The following C1QTNF5 variants were observed in gnomAD, a reference collection of about 807,000 sequenced individuals.
The protein encoded by C1QTNF5 is C1q and TNF related 5, also known as complement C1q tumor necrosis factor-related protein 5.
Under a neutral mutation model 10.9 loss-of-function variants are expected in C1QTNF5, and 5 were observed. The ratio of observed to expected loss-of-function variants is 0.46; its 90% CI spans 0.24 to 0.97. The LOEUF (loss-of-function observed/expected upper bound fraction) is 0.97. Among genes scored for constraint, C1QTNF5 ranks in the 50% least tolerant of loss-of-function variants. The pLI is 0.19. For missense variants in C1QTNF5, 281 were observed against 339.4 expected, an observed-to-expected ratio of 0.83 and a Z score of 1.35; for synonymous variants, 161 against 156.5, an observed-to-expected ratio of 1.03 and a Z score of -0.22.
At chr11:119,342,014 G>A, upstream of C1QTNF5, 1 of 1,612,364 alleles carries the variant, frequency 6.2e-7, no homozygotes, top group South Asian at 1.1e-5. Context: ...GGCCACTGTG[G>A]GGACTGCTCA....
At chr11:119,342,488 GC>G, upstream of C1QTNF5, 2 of 1,443,698 alleles carry the variant, frequency 1.4e-6, no homozygotes, top group Non-Finnish European at 1.9e-6. Flanking sequence ...AGGCCAGCTG[GC>G]CCCGCCCCCT....
At chr11:119,343,047 C>T, upstream of C1QTNF5, 2 of 1,563,922 alleles carry the variant, frequency 1.3e-6, no homozygotes, top group South Asian at 1.2e-5. Context: ...CCCTGGCTGA[C>T]TGAGGGGGCA....
At position 119,339,636 on chromosome 11, in the gene C1QTNF5, A is replaced by G. The variant is rs2135364169; in HGVS notation, c.427T>C (p.Phe143Leu). 1 of 1,612,902 alleles carries G rather than the reference A, an allele frequency of 6.2e-7. No individual in the cohort carries two copies. Among genetic ancestry groups the G allele is most frequent in the East Asian group, 2.2e-5 (1 of 44,876 alleles). ...TAGACCCCAGGCACCTGGCAGGTGAACTTGCCGGTGACGGCGTCGTAATGT... is the reference window on the plus strand; with the variant it reads ...TAGACCCCAGGCACCTGGCAGGTGAGCTTGCCGGTGACGGCGTCGTAATGT... Reference protein sequence around the residue: ...QGHYDAVTGKFTCQVPGVYYF... With the variant: ...QGHYDAVTGKLTCQVPGVYYF... Residue 143 changes from phenylalanine to leucine, a missense_variant, in exon 3 of 3, where the codon TTC becomes CTC. Phe to Leu is a conservative substitution (Grantham distance 22). Transcript: ENST00000528368. This position sits in a 1 kb window ranked among gnomAD's most constrained non-coding sequence, Gnocchi z 5.4.
At position 119,339,991 on chromosome 11, in the gene C1QTNF5, C is replaced by T; in HGVS notation, c.215-143G>A. On this transcript the variant is annotated intron_variant, in intron 2 of 2. Coordinates refer to ENST00000528368, the MANE Select transcript of C1QTNF5 (RefSeq NM_001278431.2). The surrounding 1 kb of genome is among the most constrained non-coding windows in gnomAD (Gnocchi z 5.4). ...CTCCCGCACGGGTACCTCCTCCACC[C>T]CTTCCCGCAGGGCAGATCTGGGGGG... 1 of 1,306,348 alleles carries T rather than the reference C, an allele frequency of 7.7e-7. No individual in the cohort carries two copies. The highest frequency in any genetic ancestry group is 1.0e-6 in the Non-Finnish European group (1 of 995,630). The allele number at this position is 1,306,348 out of a possible 1,614,324, so 80.9% of individuals were successfully genotyped here. A position where few individuals can be genotyped will look rare whatever the true frequency, so the allele number is the denominator to read the frequency against.
At chr11:119,346,625 G>A in the C1QTNF5 span, 4 of 1,102,196 alleles carry the variant, frequency 3.6e-6, no homozygotes, top group Non-Finnish European at 5.5e-6. Flanking sequence ...ACTACCCGAG[G>A]GAAAAGGCTG....
Position 119,340,399 on chromosome 11 carries a change from G to A in C1QTNF5, c.-2C>T, listed in dbSNP as rs751853220. 20 of 1,544,612 alleles carry A rather than the reference G, an allele frequency of 1.3e-5. No individual in the cohort carries two copies. The highest frequency in any genetic ancestry group is 8.7e-7 in the Non-Finnish European group (1 of 1,146,176). Reference sequence around the variant, plus strand: ...CAGCAGGACGAGGAGTGGCCTCATAGCGCTGGCACCGGGAGCCCGGACGCC... The same window carrying A: ...CAGCAGGACGAGGAGTGGCCTCATAACGCTGGCACCGGGAGCCCGGACGCC... On this transcript the variant is annotated 5_prime_UTR_variant, in exon 2 of 3. Transcript: ENST00000528368.
upstream of C1QTNF5, chr11:119,344,413 C>T: frequency 6.2e-7 from 1 of 1,609,474 alleles, no homozygotes; most frequent in Non-Finnish European, 8.5e-7. Context: ...TGGAAGGGCT[C>T]ATGAGTTTGC....
chr11:119,346,276 C>T, the C1QTNF5 span: 2 of 1,612,398 alleles, frequency 1.2e-6, no homozygotes, highest in Non-Finnish European at 1.7e-6. Flanking sequence ...GGTTACCATG[C>T]CAGGGAGCTG....
upstream of C1QTNF5, chr11:119,344,380 TCCC>T: frequency 6.2e-7 from 1 of 1,613,640 alleles, no homozygotes; most frequent in Non-Finnish European, 8.5e-7. Flanking sequence ...CCAGTCAGAT[TCCC>T]CCCACACCCT....
chr11:119,341,095 C>G (rs962010866), upstream of C1QTNF5: 1 of 208,594 alleles, frequency 4.8e-6, no homozygotes, highest in African/African-American at 2.4e-5. Flanking sequence ...GGACCAGACC[C>G]CATTTCAGGG....
chr11:119,340,498 C>T, intron 1 of C1QTNF5, 58 bp from the exon 2 acceptor site: 3 of 1,311,356 alleles, frequency 2.3e-6, no homozygotes, highest in East Asian at 2.6e-5. Flanking sequence ...GCCTCTCTCC[C>T]CACCCCGGCG....
At chr11:119,343,134 G>T, upstream of C1QTNF5, 2 of 1,165,246 alleles carry the variant, frequency 1.7e-6, no homozygotes, top group Non-Finnish European at 2.4e-6. Context: ...ACAGGGTTAG[G>T]GTCTGGCGAG....
Position 119,339,532 on chromosome 11 carries a change from A to G in C1QTNF5, c.531T>C (p.Ser177=). 6.2e-7 allele frequency: 1 copy of G among 1,613,722 alleles called. No individual in the cohort carries two copies. The highest frequency in any genetic ancestry group is 8.5e-7 in the Non-Finnish European group (1 of 1,180,040). The part of the protein sequence containing the change: ...DLVKNGESIA[S]FFQFFGGWPK... ...GCCACCCCCCGAAAAACTGGAAGAAAGAGGCAATGGATTCGCCATTCTTCA... is the reference window on the plus strand; with the variant it reads ...GCCACCCCCCGAAAAACTGGAAGAAGGAGGCAATGGATTCGCCATTCTTCA... The change falls in exon 3 of 3, where the codon TCT becomes TCC. Residue 177 remains serine, a synonymous_variant. Coordinates refer to ENST00000528368, the MANE Select transcript of C1QTNF5 (RefSeq NM_001278431.2). This position sits in a 1 kb window ranked among gnomAD's most constrained non-coding sequence, Gnocchi z 5.4.
chr11:119,346,156 C>T, the C1QTNF5 span: 49 of 1,589,538 alleles, frequency 3.1e-5, no homozygotes, highest in East Asian at 1.6e-4. Context: ...TCGAGGACGC[C>T]GACCTGCGGG....
At chr11:119,343,965 C>A, upstream of C1QTNF5, 1 of 1,612,366 alleles carries the variant, frequency 6.2e-7, no homozygotes, top group Non-Finnish European at 8.5e-7. Context: ...AGGTGCAGAG[C>A]TGGGGGAGGG....
chr11:119,346,297 G>GCTGGCATCCTCT, the C1QTNF5 span: 1 of 1,613,800 alleles, frequency 6.2e-7, no homozygotes, highest in African/African-American at 1.3e-5. Flanking sequence ...GGACGCTGTA[G>GCTGGCATCCTCT]CTGGCATCCT....
chr11:119,344,384 C>G, upstream of C1QTNF5: 1 of 1,613,712 alleles, frequency 6.2e-7, no homozygotes, highest in Non-Finnish European at 8.5e-7. Context: ...TCAGATTCCC[C>G]CCACACCCTG....
chr11:119,345,298 G>A (rs1950550376), upstream of C1QTNF5: 2 of 1,026,216 alleles, frequency 1.9e-6, no homozygotes, highest in South Asian at 2.9e-5. Flanking sequence ...GCAGAGCTGG[G>A]CCCAGAGGTC....
chr11:119,345,416 C>T, upstream of C1QTNF5: 3 of 1,613,600 alleles, frequency 1.9e-6, no homozygotes, highest in Admixed American at 1.7e-5. Context: ...ACAGAGGGAC[C>T]TACCTGAGGA....
Sources: allele counts gnomAD v4.1 joint callset, GRCh38; gene constraint gnomAD v4.1.1; non-coding constraint Gnocchi (gnomAD v3.1); transcripts MANE v1.5; gene names NCBI Gene and HGNC (gene_info 2026-07-23, HGNC 2026-07-21).